The following SOD2 variants were observed in gnomAD, a reference collection of about 807,000 sequenced individuals.
SOD2 encodes superoxide dismutase 2.
SOD2 carries 11 observed loss-of-function variants against 27.0 expected under a neutral mutation model. The observed-to-expected ratio is 0.41, with a 90% confidence interval of 0.26 to 0.67. SOD2 has a LOEUF of 0.67. Ranked by LOEUF, SOD2 falls within the 30% of genes least tolerant of loss-of-function variation. SOD2 has a pLI of 0.34. For synonymous variants in SOD2, 105 were observed against 103.0 expected (o/e 1.02, Z -0.12); for missense variants, 250 against 274.5 (o/e 0.91, Z 0.63).
intron 3 of SOD2, among the ~76,000 whole-genome samples, chr6:159,687,440 G>C (rs961746164): frequency 6.6e-6 from 1 of 151,780 alleles, no homozygotes; most frequent in Non-Finnish European, 1.5e-5. Context: ...AGCCGACATT[G>C]CACCACTGCG....
rs1310081435 is a variant in SOD2 at position 159,674,644 on chromosome 6, T to C, written c.*7849A>G. The C allele has an allele frequency of 6.6e-6, 1 of 152,238 alleles. No individual in the cohort carries two copies. Among genetic ancestry groups the C allele is most frequent in the Non-Finnish European group, 1.5e-5 (1 of 68,040 alleles). 9.4% of individuals were successfully genotyped at this position (152,238 alleles called of 1,614,324 possible). On this transcript the variant is annotated 3_prime_UTR_variant, in exon 5 of 5. Transcript: ENST00000538183. ...GACAAACCCACAGCCAATATCAGAC[T>C]GAATGGGCAAAAACTGGAAGCATTC...
chr6:159,719,727 TTTTC>T (rs1486262711), intron 1 of SOD2, among the ~76,000 whole-genome samples: 140 of 63,042 alleles, frequency 2.2e-3, no homozygotes, highest in African/African-American at 4.5e-3. Context: ...TTTTCTTTTA[TTTTC>T]TTTTTTTTTT....
chr6:159,700,595 A>C (rs1777506719), intron 1 of SOD2, among the ~76,000 whole-genome samples: 1 of 150,968 alleles, frequency 6.6e-6, no homozygotes, highest in African/African-American at 2.4e-5. Flanking sequence ...CAGAGCTTGC[A>C]GTAAGCCAAG....
chr6:159,759,384 C>A (rs1447033413), intron 1 of SOD2, among the ~76,000 whole-genome samples: 2 of 147,556 alleles, frequency 1.4e-5, no homozygotes, highest in Non-Finnish European at 3.0e-5. Context: ...AAATTATCTT[C>A]CAGCTGGCCG....
chr6:159,757,999 GTC>G (rs1780049600), intron 1 of SOD2, among the ~76,000 whole-genome samples: 1 of 152,172 alleles, frequency 6.6e-6, no homozygotes, highest in African/African-American at 2.4e-5. Context: ...TTTCTGTTGA[GTC>G]TGCCTTGATG....
At chr6:159,727,249 G>C in exon 1 of SOD2, 1 of 1,282,480 alleles carries the variant, frequency 7.8e-7, no homozygotes, top group Middle Eastern at 2.1e-4. Flanking sequence ...CTAGGCCGAC[G>C]GCCTCCCTCC....
In SOD2 at chr6:159,752,680, T is replaced by C. The variant is rs1779865994; in HGVS notation, c.-335-4004A>G. Among the ~76,000 whole-genome samples the C allele has an allele frequency of 2.0e-5, 3 of 152,204 alleles. No individual in the cohort carries two copies. The South Asian group carries it at 6.2e-4, about 31-fold the overall frequency. On this transcript the variant is annotated intron_variant, in intron 1 of 7. Transcript: ENST00000546087. ...TCTTTAAAAAAAAAACCTTAACTGC[T>C]GAATGTGCCTCAATTAATATAATAG...
rs1040853134 is a variant in SOD2, at chr6:159,738,007, C to A, written c.-116+7123G>T. Among the ~76,000 whole-genome samples, 2 of 152,292 alleles carry A rather than the reference C, an allele frequency of 1.3e-5. 1 individual carries two copies. The highest frequency in any genetic ancestry group is 4.1e-4 in the South Asian group (2 of 4,830). On this transcript the variant is annotated intron_variant, in intron 1 of 3. Coordinates refer to the SOD2 transcript ENST00000537657. The stretch of plus-strand genomic sequence containing the variant: ...AGCCTGCTTCATTGTTAACACCTTG[C>A]GTGACTAGCAGACATCTCTAATAAC...
At chr6:159,755,760 C>CTTTTTTTTTTTTTTTTTTT (rs1779984995) in intron 1 of SOD2, 13 of 283,668 alleles carry the variant, frequency 4.6e-5, no homozygotes, top group South Asian at 1.9e-4. Flanking sequence ...TTTTTTTTTT[C>CTTTTTTTTTTTTTTTTTTT]TTTTCTTTTT....
chr6:159,747,367 C>G (rs1779633961), upstream of SOD2, among the ~76,000 whole-genome samples: 1 of 152,134 alleles, frequency 6.6e-6, no homozygotes, highest in Non-Finnish European at 1.5e-5. Context: ...TGTAGTCCCG[C>G]TATGGCACTG....
At chr6:159,728,638 C>T (rs937218911), upstream of SOD2, among the ~76,000 whole-genome samples, 2 of 152,100 alleles carry the variant, frequency 1.3e-5, no homozygotes, top group African/African-American at 4.8e-5. Context: ...ATGTTGTGGA[C>T]ATTTAAAACC....
chr6:159,711,015 A>G (rs113405272), intron 1 of SOD2, among the ~76,000 whole-genome samples: 2 of 59,502 alleles, frequency 3.4e-5, no homozygotes, highest in African/African-American at 1.3e-4. Flanking sequence ...CTCCATAACC[A>G]CCTCCATAAC....
At chr6:159,744,330 C>G (rs1379565464) in intron 1 of SOD2, among the ~76,000 whole-genome samples, 1 of 152,164 alleles carries the variant, frequency 6.6e-6, no homozygotes, top group South Asian at 2.1e-4. Flanking sequence ...AGTTTAGGCT[C>G]AATCTTACGG....
At chr6:159,703,439 T>C (rs1429007549) in intron 1 of SOD2, among the ~76,000 whole-genome samples, 2 of 151,948 alleles carry the variant, frequency 1.3e-5, no homozygotes, top group African/African-American at 2.4e-5. Context: ...TTAACAAGTT[T>C]CACTTAGTAC....
At chr6:159,710,962 C>T (rs866405653) in intron 1 of SOD2, among the ~76,000 whole-genome samples, 2,511 of 84,694 alleles carry the variant, frequency 0.03, 27 homozygotes, top group Non-Finnish European at 0.045. Context: ...ACTGCTCTGA[C>T]CTCCATAACC....
rs1408868038 is a variant in SOD2, at chr6:159,724,296, A to G, written c.-116+2833T>C. On this transcript the variant is annotated intron_variant, in intron 1 of 2. Coordinates refer to the SOD2 transcript ENST00000401980. ...CATCAGCCACCCGGCCCTTTTCTGA[A>G]CTTCTTTGATCTTGTGTTTGTATCT... 5.3e-5 allele frequency among the ~76,000 whole-genome samples: 8 copies of G among 152,232 alleles called. No homozygotes were observed. In the East Asian group the frequency reaches 1.2e-3, roughly 22 times the overall value.
At chr6:159,688,051 G>A (rs1583012727) in intron 3 of SOD2, 75 bp downstream of exon 3, 1 of 861,158 alleles carries the variant, frequency 1.2e-6, no homozygotes, top group East Asian at 2.4e-5. Context: ...ACAAGTATAA[G>A]GTAACTTCAG....
At chr6:159,731,035 G>C (rs1302289537), upstream of SOD2, 5 of 152,468 alleles carry the variant, frequency 3.3e-5, no homozygotes, top group East Asian at 9.6e-4. Flanking sequence ...CAGCTCCTTG[G>C]GAGGCTGAGG....
intron 1 of SOD2, among the ~76,000 whole-genome samples, chr6:159,710,290 A>ATATATAT (rs1562436109): frequency 4.3e-5 from 4 of 94,032 alleles, no homozygotes; most frequent in Non-Finnish European, 7.3e-5. Flanking sequence ...TATATATATA[A>ATATATAT]AATACAAAAA....
Sources: allele counts gnomAD v4.1 joint callset (sites outside exome capture counted in the v4.1 genomes callset), GRCh38; gene constraint gnomAD v4.1.1; transcripts MANE v1.5; gene names NCBI Gene and HGNC (gene_info 2026-07-23, HGNC 2026-07-21).